PLXNA4: variants seen among roughly 807,000 people sequenced by gnomAD.
The protein encoded by PLXNA4 is plexin-A4.
In PLXNA4, 44 loss-of-function variants were observed where a neutral mutation model predicts 191.8. That is an observed-to-expected ratio of 0.23 (90% CI 0.18 to 0.29). The LOEUF (loss-of-function observed/expected upper bound fraction) is 0.29, where lower values mean the gene tolerates loss of function less well. PLXNA4 is among the 10% of genes least tolerant of loss of function. The probability of loss-of-function intolerance (pLI) is 1.00; values close to 1 mark genes in which losing one functional copy is unlikely to be tolerated. For missense variants in PLXNA4, 1,800 were observed against 2,488.8 expected, an observed-to-expected ratio of 0.72 and a Z score of 5.89; for synonymous variants, 1,082 against 1,009.5, an observed-to-expected ratio of 1.07 and a Z score of -1.36.
chr7:132,272,982 C>T (rs1175298498), intron 4 of PLXNA4, among the ~76,000 whole-genome samples: 1 of 149,504 alleles, frequency 6.7e-6, no homozygotes, highest in African/African-American at 2.4e-5. Context: ...ATCATGAATG[C>T]TTTGAAGGGC....
chr7:132,184,700 CCTCT>C (rs1290161346), intron 16 of PLXNA4, among the ~76,000 whole-genome samples: 1 of 152,212 alleles, frequency 6.6e-6, no homozygotes, highest in Non-Finnish European at 1.5e-5. Context: ...TGGTCCCCTC[CCTCT>C]GAGACAGGTG....
intron 3 of PLXNA4, among the ~76,000 whole-genome samples, chr7:132,467,022 A>T (rs1348765937): frequency 6.6e-6 from 1 of 152,124 alleles, no homozygotes; most frequent in East Asian, 1.9e-4. Flanking sequence ...GCGACTCCCT[A>T]AGCAGCCCGG....
At chr7:132,160,413 T>C (rs1414934183) in intron 24 of PLXNA4, among the ~76,000 whole-genome samples, 2 of 152,160 alleles carry the variant, frequency 1.3e-5, no homozygotes, top group Non-Finnish European at 2.9e-5. Context: ...CCAAATTATC[T>C]TTTTATTTTT....
chr7:132,338,751 A>G (rs1330226554), intron 3 of PLXNA4, among the ~76,000 whole-genome samples: 4 of 152,174 alleles, frequency 2.6e-5, no homozygotes, highest in Non-Finnish European at 5.9e-5. Context: ...TGCAGCACTG[A>G]ATAAAAGACA....
chr7:132,160,234 T>C lies in PLXNA4; in HGVS notation c.4501-602A>G, dbSNP rs142551195. ...GTTGGCAAATCTATAAGACACTTAA[T>C]GTATTCTTTAAAAATAAAAAGATGC... On this transcript the variant is annotated intron_variant, in intron 24 of 31. Transcript: ENST00000321063. Among the ~76,000 whole-genome samples, 831 of 152,306 alleles carry C rather than the reference T, an allele frequency of 5.5e-3. 13 individuals carry two copies. Among genetic ancestry groups the C allele is most frequent in the South Asian group, 0.026 (127 of 4,822 alleles).
intron 3 of PLXNA4, among the ~76,000 whole-genome samples, chr7:132,417,287 C>A (rs1219445894): frequency 6.6e-6 from 1 of 152,162 alleles, no homozygotes. Flanking sequence ...GCATCTCCTA[C>A]CCGCCACATT....
At chr7:132,552,845 T>G (rs1349803813) in intron 1 of PLXNA4, among the ~76,000 whole-genome samples, 1 of 152,046 alleles carries the variant, frequency 6.6e-6, no homozygotes, top group South Asian at 2.1e-4. Context: ...AGCTCAGTGA[T>G]GCTAGTTGAA....
At chr7:132,449,672 T>A (rs995009342) in intron 3 of PLXNA4, among the ~76,000 whole-genome samples, 11 of 152,320 alleles carry the variant, frequency 7.2e-5, no homozygotes, top group African/African-American at 2.6e-4. Flanking sequence ...GTCATGCTTC[T>A]CTCTTTCCTG....
At chr7:132,248,130 G>T (rs1220794440) in intron 4 of PLXNA4, among the ~76,000 whole-genome samples, 1 of 152,208 alleles carries the variant, frequency 6.6e-6, no homozygotes, top group Non-Finnish European at 1.5e-5. Context: ...AAGTGCTTAT[G>T]TGCTCATCTT....
chr7:132,558,128 C>T (rs918968861), intron 1 of PLXNA4, among the ~76,000 whole-genome samples: 5 of 152,170 alleles, frequency 3.3e-5, no homozygotes, highest in Admixed American at 6.5e-5. Flanking sequence ...AAAGTCTCTA[C>T]GTGTACTACT....
intron 1 of PLXNA4, among the ~76,000 whole-genome samples, chr7:132,541,761 T>C (rs1412798538): frequency 6.6e-6 from 1 of 152,250 alleles, no homozygotes; most frequent in Admixed American, 6.5e-5. Context: ...GAACAGGAGC[T>C]GCTAAGGCAG....
At chr7:132,647,639 A>G (rs1022756930) in intron 1 of PLXNA4, among the ~76,000 whole-genome samples, 1 of 152,028 alleles carries the variant, frequency 6.6e-6, no homozygotes, top group African/African-American at 2.4e-5. Context: ...TATCATACAC[A>G]CATACACACT....
At chr7:132,373,921 T>G (rs1804549160) in intron 3 of PLXNA4, among the ~76,000 whole-genome samples, 1 of 152,166 alleles carries the variant, frequency 6.6e-6, no homozygotes, top group East Asian at 1.9e-4. Flanking sequence ...GGTAGGGCCT[T>G]GTATTTAATA....
In PLXNA4 at chr7:132,133,807, C is replaced by T. The variant is rs139940676; in HGVS notation, c.5439-608G>A. ...CATTTTATGCACCAAACCTCAACTC[C>T]CCCACCAGAGGGGGGTTGCGCAGTT... On this transcript the variant is annotated intron_variant, in intron 30 of 31. Transcript: ENST00000321063. Among the ~76,000 whole-genome samples the T allele has an allele frequency of 2.5e-3, 379 of 152,226 alleles. 2 individuals are homozygous for T. The highest frequency in any genetic ancestry group is 8.8e-3 in the African/African-American group (367 of 41,540).
At chr7:132,466,192 T>G (rs1426490) in intron 3 of PLXNA4, among the ~76,000 whole-genome samples, 1,671 of 152,104 alleles carry the variant, frequency 0.011, 36 homozygotes, top group African/African-American at 0.038. Context: ...AGAGGGCCAG[T>G]GTGAAAGGGG....
chr7:132,258,080 G>C (rs1349798205), intron 4 of PLXNA4, among the ~76,000 whole-genome samples: 1 of 152,222 alleles, frequency 6.6e-6, no homozygotes, highest in Non-Finnish European at 1.5e-5. Flanking sequence ...TCTAATCTCT[G>C]CAAGACTCCT....
At chr7:132,167,486 C>G (rs991625533) in intron 22 of PLXNA4, among the ~76,000 whole-genome samples, 4 of 152,114 alleles carry the variant, frequency 2.6e-5, no homozygotes, top group Non-Finnish European at 4.4e-5. Flanking sequence ...AATGCAGGTT[C>G]TGATTCAGCG....
At chr7:132,245,571 T>A (rs1313535660) in intron 4 of PLXNA4, among the ~76,000 whole-genome samples, 1 of 152,196 alleles carries the variant, frequency 6.6e-6, no homozygotes, top group Non-Finnish European at 1.5e-5. Flanking sequence ...ATCTGGCAGT[T>A]TTGCTTCTGG....
chr7:132,452,377 T>G (rs1300674500), intron 3 of PLXNA4, among the ~76,000 whole-genome samples: 2 of 152,206 alleles, frequency 1.3e-5, no homozygotes, highest in Non-Finnish European at 2.9e-5. Flanking sequence ...AGGGAGCCTG[T>G]GGCATGCCCA....
Sources: gnomAD v4.1 joint callset for allele counts (sites outside exome capture counted in the v4.1 genomes callset) on GRCh38, gnomAD v4.1.1 for gene constraint, MANE v1.5 for transcripts, NCBI Gene and HGNC (gene_info 2026-07-23, HGNC 2026-07-21) for gene names.